FOXP2: variants seen among roughly 807,000 people sequenced by gnomAD.
FOXP2 encodes forkhead box protein P2.
In FOXP2, 12 loss-of-function variants were observed where a neutral mutation model predicts 115.8. That is an observed-to-expected ratio of 0.10 (90% CI 0.07 to 0.17). The LOEUF (loss-of-function observed/expected upper bound fraction) is 0.17, where lower values mean the gene tolerates loss of function less well. Ranked by LOEUF, FOXP2 falls within the 10% of genes least tolerant of loss-of-function variation. The pLI is 1.00. For synonymous variants in FOXP2, 328 were observed against 297.7 expected (o/e 1.10, Z -1.05); for missense variants, 629 against 843.5 (o/e 0.75, Z 3.15).
intron 6 of FOXP2, 43 bp from the exon 7 acceptor site, chr7:114,642,367 C>G (rs1462811120): frequency 6.6e-7 from 1 of 1,515,588 alleles, no homozygotes; most frequent in South Asian, 1.1e-5. Context: ...ATAAACTTTA[C>G]CTTTACCTTG....
chr7:114,649,890 T>C (rs1223589161), intron 8 of FOXP2, among the ~76,000 whole-genome samples: 2 of 152,126 alleles, frequency 1.3e-5, no homozygotes, highest in Non-Finnish European at 2.9e-5. Context: ...TGGCATTTCA[T>C]AACTATGTGT....
intron 1 of FOXP2, among the ~76,000 whole-genome samples, chr7:114,252,702 G>T (rs1463742839): frequency 6.6e-6 from 1 of 151,590 alleles, no homozygotes; most frequent in South Asian, 2.1e-4. Context: ...TATTAGTCTC[G>T]CTAGCGTTCT....
chr7:114,316,686 T>C (rs897274477), intron 2 of FOXP2, among the ~76,000 whole-genome samples: 3 of 152,060 alleles, frequency 2.0e-5, no homozygotes, highest in Admixed American at 1.3e-4. Context: ...AAACTGCAAA[T>C]GCAAAAGCCT....
intron 1 of FOXP2, among the ~76,000 whole-genome samples, chr7:114,113,991 TTTCA>T (rs2129142627): frequency 6.6e-6 from 1 of 152,190 alleles, no homozygotes; most frequent in South Asian, 2.1e-4. Flanking sequence ...GTATGCCTTG[TTTCA>T]TTCCACAAAG....
At chr7:114,497,889 A>T (rs1170408013) in intron 2 of FOXP2, among the ~76,000 whole-genome samples, 2 of 152,082 alleles carry the variant, frequency 1.3e-5, no homozygotes, top group African/African-American at 4.8e-5. Flanking sequence ...AGATGGAGAC[A>T]ATATTATCTC....
chr7:114,323,329 T>C (rs1314190464), intron 2 of FOXP2, among the ~76,000 whole-genome samples: 2 of 152,138 alleles, frequency 1.3e-5, no homozygotes, highest in African/African-American at 4.8e-5. Context: ...GCCTTTGTCA[T>C]ACTATTAAAC....
At chr7:114,173,973 G>T (rs541311477) in intron 1 of FOXP2, among the ~76,000 whole-genome samples, 14 of 151,302 alleles carry the variant, frequency 9.3e-5, no homozygotes, top group Non-Finnish European at 1.6e-4. Flanking sequence ...TTGATTTTTG[G>T]TAAGTTTTGC....
chr7:114,407,814 T>C (rs73434153), intron 2 of FOXP2, among the ~76,000 whole-genome samples: 1,663 of 152,228 alleles, frequency 0.011, 24 homozygotes, highest in African/African-American at 0.038. Flanking sequence ...CAGGACATGA[T>C]TGTTAAGGTC....
At chr7:114,328,490 C>CA (rs1387362408) in intron 2 of FOXP2, among the ~76,000 whole-genome samples, 1 of 152,084 alleles carries the variant, frequency 6.6e-6, no homozygotes, top group Non-Finnish European at 1.5e-5. Context: ...CCTGCCTCGG[C>CA]CTCCCAGAGT....
intron 2 of FOXP2, among the ~76,000 whole-genome samples, chr7:114,523,338 T>A (rs1407656264): frequency 6.6e-6 from 1 of 152,164 alleles, no homozygotes; most frequent in African/African-American, 2.4e-5. Flanking sequence ...TTTTAGATGT[T>A]CTGAGCTCAC....
intron 1 of FOXP2, among the ~76,000 whole-genome samples, chr7:114,215,322 A>C (rs1794458190): frequency 6.6e-6 from 1 of 152,096 alleles, no homozygotes; most frequent in Admixed American, 6.6e-5. Context: ...TTTACATTGA[A>C]ATTTGTTTGC....
intron 13 of FOXP2, among the ~76,000 whole-genome samples, chr7:114,660,442 T>C (rs1806803469): frequency 6.6e-6 from 1 of 152,114 alleles, no homozygotes; most frequent in African/African-American, 2.4e-5. Flanking sequence ...CTGAGAAGAA[T>C]AGAAGCAGCA....
chr7:114,209,490 C>T (rs1435009985), intron 1 of FOXP2, among the ~76,000 whole-genome samples: 1 of 152,160 alleles, frequency 6.6e-6, no homozygotes, highest in Non-Finnish European at 1.5e-5. Context: ...TGTCTGCTAG[C>T]TTGTAGGGTT....
At chr7:114,205,315 A>G (rs183280341) in intron 1 of FOXP2, among the ~76,000 whole-genome samples, 53 of 152,290 alleles carry the variant, frequency 3.5e-4, no homozygotes, top group Non-Finnish European at 6.5e-4. Flanking sequence ...AAGATCCTTT[A>G]GCCCAGTGTT....
At chr7:114,535,595 G>T (rs1293348695) in intron 3 of FOXP2, among the ~76,000 whole-genome samples, 1 of 151,488 alleles carries the variant, frequency 6.6e-6, no homozygotes, top group African/African-American at 2.4e-5. Flanking sequence ...TGTACTTACA[G>T]ATGTTAGTAA....
chr7:114,665,055 T>C (rs2129343139), intron 16 of FOXP2: 1 of 152,600 alleles, frequency 6.6e-6, no homozygotes, highest in Admixed American at 6.5e-5. Context: ...CAGCTAACTA[T>C]ATCATTAATT....
At chr7:114,406,177 A>G (rs1257326273) in intron 2 of FOXP2, among the ~76,000 whole-genome samples, 1 of 151,966 alleles carries the variant, frequency 6.6e-6, no homozygotes, top group East Asian at 1.9e-4. Flanking sequence ...GTTTTAGCAA[A>G]TTAAAAATCA....
At chr7:114,365,876 T>A (rs1791867324) in intron 2 of FOXP2, among the ~76,000 whole-genome samples, 3 of 152,092 alleles carry the variant, frequency 2.0e-5, no homozygotes, top group Admixed American at 6.6e-5. Context: ...AAAAAAGAAA[T>A]ATATTTAATT....
At chr7:114,230,772 A>G (rs1395198101) in intron 1 of FOXP2, among the ~76,000 whole-genome samples, 1 of 152,012 alleles carries the variant, frequency 6.6e-6, no homozygotes, top group Non-Finnish European at 1.5e-5. Flanking sequence ...ATCATACTCC[A>G]TATTGAAAAG....
Sources: allele counts gnomAD v4.1 joint callset (sites outside exome capture counted in the v4.1 genomes callset), GRCh38; gene constraint gnomAD v4.1.1; transcripts MANE v1.5; gene names NCBI Gene and HGNC (gene_info 2026-07-23, HGNC 2026-07-21).